Variants in MAP3K7CL observed in about 807,000 individuals in gnomAD.
The protein encoded by MAP3K7CL is MAP3K7 C-terminal like.
In MAP3K7CL, 16 loss-of-function variants were observed where a neutral mutation model predicts 18.6. The ratio of observed to expected loss-of-function variants is 0.86; its 90% CI spans 0.58 to 1.31. MAP3K7CL has a LOEUF of 1.31. Ranked by LOEUF, MAP3K7CL falls within the 50% of genes most tolerant of loss-of-function variation. The pLI is 0.00. For missense variants in MAP3K7CL, 163 were observed against 174.4 expected (o/e 0.93, Z 0.37); for synonymous variants, 65 against 66.8 (o/e 0.97, Z 0.13).
At chr21:29,080,713 G>C (rs2085821938) in intron 1 of MAP3K7CL, 1 of 152,078 alleles carries the variant, frequency 6.6e-6, no homozygotes, top group Admixed American at 6.6e-5. Flanking sequence ...CCCAAGGTGA[G>C]TCATTCTGTT....
chr21:29,161,817 A>G (rs980976396), intron 4 of MAP3K7CL, among the ~76,000 whole-genome samples: 1 of 152,208 alleles, frequency 6.6e-6, no homozygotes, highest in African/African-American at 2.4e-5. Flanking sequence ...CGGACAGTAT[A>G]GCATGATGGT....
chr21:29,098,489 T>G (rs2086162915), intron 4 of MAP3K7CL, among the ~76,000 whole-genome samples: 1 of 152,192 alleles, frequency 6.6e-6, no homozygotes, highest in Non-Finnish European at 1.5e-5. Context: ...TTAAATTTCT[T>G]GAGAAAAAAA....
chr21:29,121,138 G>C (rs996902676), intron 4 of MAP3K7CL, among the ~76,000 whole-genome samples: 9 of 149,122 alleles, frequency 6.0e-5, no homozygotes, highest in Non-Finnish European at 1.0e-4. Context: ...GGCTTCATCT[G>C]TTCAAGTACT....
intron 4 of MAP3K7CL, among the ~76,000 whole-genome samples, chr21:29,114,502 C>T (rs2086473074): frequency 6.6e-6 from 1 of 152,248 alleles, no homozygotes; most frequent in Non-Finnish European, 1.5e-5. Flanking sequence ...TTGATCCTCC[C>T]ACCTCAGCCT....
intron 2 of MAP3K7CL, among the ~76,000 whole-genome samples, chr21:29,143,171 T>G (rs899383909): frequency 6.8e-6 from 1 of 147,880 alleles, no homozygotes; most frequent in Non-Finnish European, 1.5e-5. Flanking sequence ...ATTCAAAAAT[T>G]TTTAAGAAAT....
At chr21:29,092,640 A>G in intron 4 of MAP3K7CL, 1 of 1,595,830 alleles carries the variant, frequency 6.3e-7, no homozygotes, top group Non-Finnish European at 8.6e-7. Context: ...TACACACTGC[A>G]CCATGGGAGC....
At chr21:29,154,810 G>A (rs894594368) in intron 3 of MAP3K7CL, among the ~76,000 whole-genome samples, 2 of 152,146 alleles carry the variant, frequency 1.3e-5, no homozygotes, top group Non-Finnish European at 2.9e-5. Flanking sequence ...ATTGTATACT[G>A]CAATTTTTCT....
At chr21:29,173,185 T>C (rs2087884754) in intron 4 of MAP3K7CL, among the ~76,000 whole-genome samples, 1 of 152,230 alleles carries the variant, frequency 6.6e-6, no homozygotes, top group African/African-American at 2.4e-5. Flanking sequence ...GCCTTGGGAC[T>C]GAGACTGGTG....
At position 29,159,373 on chromosome 21, in the gene MAP3K7CL, A is replaced by G. The variant is rs1009905241; in HGVS notation, c.133-568A>G. 2.6e-5 allele frequency among the ~76,000 whole-genome samples: 4 copies of G among 151,832 alleles called. No individual in the cohort carries two copies. The South Asian group carries it at 8.3e-4, about 32-fold the overall frequency. On this transcript the variant is annotated intron_variant, in intron 3 of 4. Coordinates refer to ENST00000399928, the MANE Select transcript of MAP3K7CL (RefSeq NM_001286620.2). The stretch of plus-strand genomic sequence containing the variant: ...AATCTTATAGGGATGGTTTTTTTTT[A>G]GGGGGAGGGAGATCCGGCCTTTCTT...
At chr21:29,117,283 G>A (rs569043112) in intron 4 of MAP3K7CL, among the ~76,000 whole-genome samples, 1 of 152,124 alleles carries the variant, frequency 6.6e-6, no homozygotes, top group African/African-American at 2.4e-5. Context: ...CATTTAGCTG[G>A]AGCGGTGATG....
rs1267157286 is a variant in MAP3K7CL, at chr21:29,174,938, T to C, written c.*46T>C. On this transcript the variant is annotated 3_prime_UTR_variant, in exon 5 of 5. Transcript: ENST00000399928. The stretch of plus-strand genomic sequence containing the variant: ...GCATACGAGGCTGATGACTGCCCTG[T>C]GCTGGCCAAAAGATTTTTATTTTAA... 5.1e-6 allele frequency: 8 copies of C among 1,557,434 alleles called. No homozygotes were observed. The highest frequency in any genetic ancestry group is 7.0e-6 in the Non-Finnish European group (8 of 1,147,528).
chr21:29,120,001 A>G (rs1002445352), intron 4 of MAP3K7CL, among the ~76,000 whole-genome samples: 1 of 152,180 alleles, frequency 6.6e-6, no homozygotes, highest in African/African-American at 2.4e-5. Context: ...TTGGTCAGAT[A>G]TGGAACTTTA....
At chr21:29,129,268 A>G (rs923119579), upstream of MAP3K7CL, among the ~76,000 whole-genome samples, 6 of 152,238 alleles carry the variant, frequency 3.9e-5, no homozygotes, top group African/African-American at 1.4e-4. Flanking sequence ...AATGATGTGT[A>G]TCTACCATTA....
At chr21:29,104,161 T>G (rs1020169192) in intron 4 of MAP3K7CL, among the ~76,000 whole-genome samples, 3 of 152,170 alleles carry the variant, frequency 2.0e-5, no homozygotes, top group African/African-American at 7.2e-5. Context: ...TATCAGGCCT[T>G]GTGTCCCATG....
At chr21:29,082,364 T>G (rs2085849979), upstream of MAP3K7CL, among the ~76,000 whole-genome samples, 1 of 152,174 alleles carries the variant, frequency 6.6e-6, no homozygotes, top group Non-Finnish European at 1.5e-5. Flanking sequence ...TTTCTAAATT[T>G]TTTGTATGCC....
chr21:29,098,761 C>CT lies in MAP3K7CL; in HGVS notation c.370+6181dup, dbSNP rs534618591. On this transcript the variant is annotated intron_variant, in intron 4 of 6. Coordinates refer to the MAP3K7CL transcript ENST00000286791. ...GCCAAGTCCTAAGCTTTCTACTAGACTACCTCGCCAAACATTATTAAGCAC... is the reference window on the plus strand; with the variant it reads ...GCCAAGTCCTAAGCTTTCTACTAGACTTACCTCGCCAAACATTATTAAGCAC... Among the ~76,000 whole-genome samples the CT allele has an allele frequency of 2.6e-5, 4 of 151,196 alleles. No homozygotes were observed. The South Asian group carries it at 8.4e-4, about 32-fold the overall frequency.
intron 3 of MAP3K7CL, chr21:29,091,834 A>T: frequency 1.5e-6 from 1 of 679,506 alleles, no homozygotes; most frequent in Non-Finnish European, 2.7e-6. Flanking sequence ...AGTGCTTCCT[A>T]TGTACCAGGT....
intron 4 of MAP3K7CL, among the ~76,000 whole-genome samples, chr21:29,116,506 C>T (rs1161811968): frequency 6.6e-6 from 1 of 152,142 alleles, no homozygotes; most frequent in East Asian, 1.9e-4. Context: ...GGAAAGATCT[C>T]GTTGAAATGA....
exon 3 of MAP3K7CL, chr21:29,091,741 C>T: frequency 1.4e-6 from 1 of 702,492 alleles, no homozygotes; most frequent in Non-Finnish European, 2.6e-6. Context: ...CTTTTGGCTT[C>T]TTGAAGTGCT....
Sources: allele counts gnomAD v4.1 joint callset (sites outside exome capture counted in the v4.1 genomes callset), GRCh38; gene constraint gnomAD v4.1.1; transcripts MANE v1.5; gene names NCBI Gene and HGNC (gene_info 2026-07-23, HGNC 2026-07-21).